Variants in BLTP3B observed in about 807,000 individuals in gnomAD.
The protein encoded by BLTP3B is bridge-like lipid transfer protein family member 3B.
At chr12:100,076,156 AT>A in the BLTP3B span, among the ~76,000 whole-genome samples, 2,402 of 151,900 alleles carry the variant, frequency 0.016, 65 homozygotes, top group African/African-American at 0.052. Flanking sequence ...TTCTGGTTAC[AT>A]TTTTTTCACC....
chr12:100,103,849 G>T, the BLTP3B span: 60 of 1,310,244 alleles, frequency 4.6e-5, no homozygotes, highest in Non-Finnish European at 6.1e-5. Context: ...AGATTACTAT[G>T]AACAGAGTAG....
At chr12:100,047,602 G>T in the BLTP3B span, 1 of 1,613,322 alleles carries the variant, frequency 6.2e-7, no homozygotes, top group Non-Finnish European at 8.5e-7. Context: ...ACAGGAGCTG[G>T]TTCAAGGGAT....
At chr12:100,104,319 C>A in the BLTP3B span, among the ~76,000 whole-genome samples, 12 of 151,212 alleles carry the variant, frequency 7.9e-5, no homozygotes, top group Non-Finnish European at 8.8e-5. Context: ...ATTCTCGTGC[C>A]TCAGCCTCCC....
the BLTP3B span, among the ~76,000 whole-genome samples, chr12:100,133,228 T>C: frequency 2.0e-5 from 3 of 151,970 alleles, no homozygotes; most frequent in African/African-American, 7.3e-5. Context: ...GGTAACAGAG[T>C]GAGACTGTGT....
the BLTP3B span, among the ~76,000 whole-genome samples, chr12:100,066,029 T>C: frequency 3.9e-5 from 6 of 152,150 alleles, no homozygotes; most frequent in East Asian, 1.2e-3. Flanking sequence ...TTCTCTTTAT[T>C]TCTCAGATTG....
At chr12:100,059,855 G>A in the BLTP3B span, 2 of 1,608,800 alleles carry the variant, frequency 1.2e-6, no homozygotes, top group Non-Finnish European at 8.5e-7. Context: ...GATACCTTTA[G>A]CATTAAGCCA....
chr12:100,139,885 A>G, the BLTP3B span, among the ~76,000 whole-genome samples: 2 of 152,224 alleles, frequency 1.3e-5, no homozygotes, highest in South Asian at 4.1e-4. Context: ...AGGACTGGCA[A>G]TATGGGGGCT....
At chr12:100,080,414 G>A in the BLTP3B span, among the ~76,000 whole-genome samples, 578 of 151,300 alleles carry the variant, frequency 3.8e-3, 7 homozygotes, top group African/African-American at 0.013. Flanking sequence ...GCACAGTGGC[G>A]CGATCTCAGC....
chr12:100,108,238 A>G, the BLTP3B span: 1 of 855,220 alleles, frequency 1.2e-6, no homozygotes. Context: ...ACATTTATGC[A>G]AAGGTATCTT....
chr12:100,070,157 C>CG, the BLTP3B span: 2 of 1,570,472 alleles, frequency 1.3e-6, no homozygotes, highest in Non-Finnish European at 1.7e-6. Flanking sequence ...TTCTCATCTG[C>CG]TTAGGAAGGC....
the BLTP3B span, chr12:100,097,227 T>C: frequency 1.2e-5 from 9 of 775,284 alleles, no homozygotes; most frequent in Admixed American, 3.2e-4. Flanking sequence ...TATTTTAATA[T>C]GCCACTGGTA....
At chr12:100,078,245 T>C in the BLTP3B span, among the ~76,000 whole-genome samples, 2 of 152,130 alleles carry the variant, frequency 1.3e-5, no homozygotes, top group East Asian at 3.9e-4. Context: ...CCTGCGCCAC[T>C]CTCTGTCTTG....
At chr12:100,059,655 A>G in the BLTP3B span, 1 of 1,211,466 alleles carries the variant, frequency 8.3e-7, no homozygotes, top group African/African-American at 1.5e-5. Context: ...CTACTTTCCT[A>G]TTAAGACGTA....
At chr12:100,114,984 A>C in the BLTP3B span, among the ~76,000 whole-genome samples, 1 of 152,222 alleles carries the variant, frequency 6.6e-6, no homozygotes, top group Non-Finnish European at 1.5e-5. Context: ...AGGGATTTTC[A>C]AATTTTTTTA....
the BLTP3B span, among the ~76,000 whole-genome samples, chr12:100,081,378 A>G: frequency 6.6e-6 from 1 of 152,206 alleles, no homozygotes; most frequent in African/African-American, 2.4e-5. Flanking sequence ...GGAAACTCCC[A>G]AAGTTGTAGT....
the BLTP3B span, chr12:100,089,159 CTAAG>C: frequency 7.4e-7 from 1 of 1,358,402 alleles, no homozygotes; most frequent in African/African-American, 1.5e-5. Context: ...ACACAAAAAT[CTAAG>C]TATTTTCAGT....
chr12:100,113,919 G>T, the BLTP3B span, among the ~76,000 whole-genome samples: 1 of 152,116 alleles, frequency 6.6e-6, no homozygotes, highest in African/African-American at 2.4e-5. Context: ...TAAAAAGTAG[G>T]CACTCTTGAT....
chr12:100,061,944 G>C, the BLTP3B span, among the ~76,000 whole-genome samples: 1 of 152,198 alleles, frequency 6.6e-6, no homozygotes, highest in South Asian at 2.1e-4. Context: ...TGTATTTGGA[G>C]CTAAAGCCTT....
At chr12:100,085,887 G>A in the BLTP3B span, among the ~76,000 whole-genome samples, 1 of 141,712 alleles carries the variant, frequency 7.1e-6, no homozygotes, top group Non-Finnish European at 1.6e-5. Context: ...TTCATTCCTA[G>A]CTTCATACTC....
Sources: allele counts gnomAD v4.1 joint callset (sites outside exome capture counted in the v4.1 genomes callset), GRCh38; gene constraint gnomAD v4.1.1; transcripts MANE v1.5; gene names NCBI Gene and HGNC (gene_info 2026-07-23, HGNC 2026-07-21).